TSPAN18: variants seen among roughly 807,000 people sequenced by gnomAD.
TSPAN18 encodes tetraspanin-18.
A neutral mutation model predicts 27.3 loss-of-function variants in TSPAN18; 14 were observed. The observed-to-expected ratio is 0.51, with a 90% CI of 0.34 to 0.80. The LOEUF is 0.80. Among genes scored for constraint, TSPAN18 ranks in the 30% least tolerant of loss-of-function variants. The pLI is 0.01. For missense variants in TSPAN18, 268 were observed against 323.9 expected (o/e 0.83, Z 1.32); for synonymous variants, 143 against 136.5 (o/e 1.05, Z -0.33).
At chr11:44,892,376 A>C (rs1858882947) in intron 3 of TSPAN18, among the ~76,000 whole-genome samples, 1 of 152,162 alleles carries the variant, frequency 6.6e-6, no homozygotes, top group South Asian at 2.1e-4. Context: ...GGCCTGCTTC[A>C]ACTACACTTG....
At position 44,926,581 on chromosome 11, in the gene TSPAN18, G is replaced by GACA; in HGVS notation, c.616-92_616-90dup. On this transcript the variant is annotated intron_variant, in intron 8 of 9. Coordinates refer to ENST00000520358, the MANE Select transcript of TSPAN18 (RefSeq NM_130783.5). ...CGTGTGATAGGGTGAGAGCTCTGGG[G>GACA]ACACCTGCCATGAACCCTAGTCCAC... is the stretch of plus-strand genomic sequence containing the variant. 4 of 1,155,690 alleles carry GACA rather than the reference G, an allele frequency of 3.5e-6. No individual in the cohort carries two copies. In the South Asian group the frequency reaches 5.0e-5, roughly 14 times the overall value. 71.6% of individuals were successfully genotyped at this position (1,155,690 alleles called of 1,614,324 possible). A position where few individuals can be genotyped will look rare whatever the true frequency, so the allele number is the denominator to read the frequency against.
intron 3 of TSPAN18, among the ~76,000 whole-genome samples, chr11:44,890,383 G>T (rs938492059): frequency 6.6e-6 from 1 of 152,230 alleles, no homozygotes; most frequent in Non-Finnish European, 1.5e-5. Flanking sequence ...TTGTGACTTT[G>T]TCATCAACAG....
At position 44,899,791 on chromosome 11, in the gene TSPAN18, C is replaced by T. The variant is rs144930275; in HGVS notation, c.-10-6616C>T. Among the ~76,000 whole-genome samples, 468 of 152,260 alleles carry T rather than the reference C, an allele frequency of 3.1e-3. 7 individuals are homozygous for T. The highest frequency in any genetic ancestry group is 0.01 in the African/African-American group (432 of 41,540). ...GTCATGAGGCAAGAAAGTGATAGGC[C>T]GGGTCCCACCTGACCCTACAGGCCC... On this transcript the variant is annotated intron_variant, in intron 3 of 9. Transcript: ENST00000520358.
intron 3 of TSPAN18, among the ~76,000 whole-genome samples, chr11:44,862,553 G>A (rs1305247126): frequency 6.6e-6 from 1 of 152,222 alleles, no homozygotes; most frequent in African/African-American, 2.4e-5. Context: ...GCCAATGGCT[G>A]TTGAGTGCCT....
intron 4 of TSPAN18, among the ~76,000 whole-genome samples, chr11:44,908,949 G>C (rs1377871958): frequency 6.6e-6 from 1 of 152,092 alleles, no homozygotes; most frequent in Non-Finnish European, 1.5e-5. Context: ...AAGCTAAAAG[G>C]CTCAGACAGA....
At chr11:44,882,781 G>A (rs1483433026) in intron 3 of TSPAN18, among the ~76,000 whole-genome samples, 1 of 152,168 alleles carries the variant, frequency 6.6e-6, no homozygotes, top group African/African-American at 2.4e-5. Flanking sequence ...GAGACACCAA[G>A]CTAGCTGGCT....
At chr11:44,839,382 A>T (rs1400920436) in intron 2 of TSPAN18, among the ~76,000 whole-genome samples, 1 of 152,134 alleles carries the variant, frequency 6.6e-6, no homozygotes, top group Non-Finnish European at 1.5e-5. Flanking sequence ...ATAAATGAGC[A>T]TGTGTCTGTC....
At chr11:44,768,164 C>T (rs747358513) in intron 2 of TSPAN18, among the ~76,000 whole-genome samples, 3 of 152,106 alleles carry the variant, frequency 2.0e-5, no homozygotes, top group Admixed American at 6.6e-5. Context: ...TGATTGGGGT[C>T]GTCTTGAATC....
intron 1 of TSPAN18, among the ~76,000 whole-genome samples, chr11:44,740,587 C>T (rs1854910506): frequency 6.6e-6 from 1 of 152,190 alleles, no homozygotes; most frequent in Non-Finnish European, 1.5e-5. Flanking sequence ...TGTGGGCCCT[C>T]AGCAAGACAG....
At chr11:44,858,550 A>G (rs1192475831) in intron 2 of TSPAN18, among the ~76,000 whole-genome samples, 1 of 152,180 alleles carries the variant, frequency 6.6e-6, no homozygotes, top group African/African-American at 2.4e-5. Context: ...ACTGGAACCC[A>G]GGACTCCTGC....
At chr11:44,770,255 C>T (rs770349091) in intron 2 of TSPAN18, among the ~76,000 whole-genome samples, 4 of 152,104 alleles carry the variant, frequency 2.6e-5, no homozygotes, top group Non-Finnish European at 4.4e-5. Flanking sequence ...TCAATAATGA[C>T]AGGAAGGGGC....
chr11:44,746,587 C>CA (rs747712674), intron 1 of TSPAN18, among the ~76,000 whole-genome samples: 1 of 151,798 alleles, frequency 6.6e-6, no homozygotes, highest in Non-Finnish European at 1.5e-5. Flanking sequence ...GCCCTCTCTA[C>CA]AAAAAATAAA....
intron 2 of TSPAN18, among the ~76,000 whole-genome samples, chr11:44,765,713 GCTTA>G (rs1316043681): frequency 3.3e-5 from 5 of 152,202 alleles, no homozygotes; most frequent in African/African-American, 1.2e-4. Flanking sequence ...TGTGTCTTTT[GCTTA>G]CTTCAGTCTG....
chr11:44,872,330 T>C (rs1432490397), intron 3 of TSPAN18, among the ~76,000 whole-genome samples: 2 of 152,202 alleles, frequency 1.3e-5, no homozygotes, highest in Admixed American at 1.3e-4. Flanking sequence ...CTATCTCCAA[T>C]GAAGTCACGT....
chr11:44,864,788 C>T (rs1857990936), intron 3 of TSPAN18, among the ~76,000 whole-genome samples: 1 of 152,190 alleles, frequency 6.6e-6, no homozygotes, highest in Non-Finnish European at 1.5e-5. Flanking sequence ...TTCTTTGGAT[C>T]CTGAACTGCA....
intron 2 of TSPAN18, among the ~76,000 whole-genome samples, chr11:44,829,812 G>C (rs1230498180): frequency 1.3e-5 from 2 of 152,216 alleles, no homozygotes; most frequent in African/African-American, 4.8e-5. Context: ...CAATGAATAA[G>C]AGTCACATCC....
chr11:44,733,271 T>C (rs1854708504), intron 1 of TSPAN18, among the ~76,000 whole-genome samples: 1 of 152,232 alleles, frequency 6.6e-6, no homozygotes, highest in South Asian at 2.1e-4. Flanking sequence ...AGAGCTGGTA[T>C]GTTGCTGGTT....
intron 8 of TSPAN18, among the ~76,000 whole-genome samples, chr11:44,921,952 C>G (rs1860153204): frequency 6.6e-6 from 1 of 152,158 alleles, no homozygotes; most frequent in Non-Finnish European, 1.5e-5. Flanking sequence ...TTCATTCTTT[C>G]CAGTGACTCT....
chr11:44,846,034 A>C (rs1308411548), intron 2 of TSPAN18, among the ~76,000 whole-genome samples: 2 of 152,224 alleles, frequency 1.3e-5, no homozygotes, highest in Non-Finnish European at 2.9e-5. Context: ...AAATGACAAT[A>C]ATGGCCATGC....
Sources: gnomAD v4.1 joint callset for allele counts (sites outside exome capture counted in the v4.1 genomes callset) on GRCh38, gnomAD v4.1.1 for gene constraint, MANE v1.5 for transcripts, NCBI Gene and HGNC (gene_info 2026-07-23, HGNC 2026-07-21) for gene names.